Variants in RAP1A observed in about 807,000 individuals in gnomAD.
The protein encoded by RAP1A is RAP1A, member of RAS oncogene family.
In RAP1A, 6 loss-of-function variants were observed where a neutral mutation model predicts 26.4. The observed-to-expected ratio is 0.23, with a 90% CI of 0.12 to 0.45. The LOEUF is 0.45. RAP1A is among the 20% of genes least tolerant of loss of function. The pLI, the probability that RAP1A is intolerant of heterozygous loss-of-function variation, is 0.99. For synonymous variants in RAP1A, 73 were observed against 79.4 expected, an observed-to-expected ratio of 0.92 and a Z score of 0.43; for missense variants, 121 against 217.2, an observed-to-expected ratio of 0.56 and a Z score of 2.78.
At chr1:111,571,735 A>C (rs1187301016) in intron 1 of RAP1A, among the ~76,000 whole-genome samples, 1 of 152,200 alleles carries the variant, frequency 6.6e-6, no homozygotes, top group Non-Finnish European at 1.5e-5. Context: ...TAAAATCAGA[A>C]AGATTATGGG....
intron 1 of RAP1A, among the ~76,000 whole-genome samples, chr1:111,560,549 C>G (rs1191600849): frequency 6.6e-6 from 1 of 151,508 alleles, no homozygotes; most frequent in Non-Finnish European, 1.5e-5. Flanking sequence ...AGTGCAATGG[C>G]ACGATCATAG....
intron 1 of RAP1A, among the ~76,000 whole-genome samples, chr1:111,684,915 G>A (rs1661423010): frequency 6.6e-6 from 1 of 152,082 alleles, no homozygotes; most frequent in Non-Finnish European, 1.5e-5. Flanking sequence ...AAACAGCATG[G>A]TACTGGTACC....
chr1:111,590,829 C>T (rs991277068), intron 1 of RAP1A, among the ~76,000 whole-genome samples: 4 of 152,132 alleles, frequency 2.6e-5, no homozygotes, highest in Non-Finnish European at 4.4e-5. Context: ...AGAATTTTTA[C>T]TTCTGCATTT....
intron 1 of RAP1A, among the ~76,000 whole-genome samples, chr1:111,571,767 G>A (rs1658052978): frequency 6.6e-6 from 1 of 152,144 alleles, no homozygotes; most frequent in Admixed American, 6.5e-5. Flanking sequence ...TTTGGGACAG[G>A]TCATTCTGCT....
rs148635246 is a variant in RAP1A at position 111,704,476 on chromosome 1, A to G, written c.458A>G (p.Asn153Ser). Residue 153 changes from asparagine to serine, a missense_variant, in exon 6 of 8, where the codon AAT (asparagine) becomes AGT (serine). Coordinates refer to ENST00000369709, the MANE Select transcript of RAP1A (RefSeq NM_002884.4). ...GAATCTTCTGCAAAGTCAAAGATCA[A>G]TGTTAATGAGGTAACCTACAACTGC... ...FLESSAKSKI[N>S]VNEIFYDLVR... is the part of the protein sequence containing the mutation. The G allele has an allele frequency of 1.9e-5, 31 of 1,612,788 alleles. No homozygotes were observed. The African/African-American group carries it at 2.3e-4, about 12-fold the overall frequency.
chr1:111,643,679 C>T (rs1313691162), intron 1 of RAP1A, among the ~76,000 whole-genome samples: 2 of 152,130 alleles, frequency 1.3e-5, no homozygotes, highest in Non-Finnish European at 2.9e-5. Context: ...AAACTGAGTC[C>T]TTTATTTCAG....
chr1:111,624,842 T>G (rs1286671697), intron 1 of RAP1A, among the ~76,000 whole-genome samples: 1 of 152,154 alleles, frequency 6.6e-6, no homozygotes, highest in Admixed American at 6.5e-5. Context: ...TGAAATAAAC[T>G]CCAATCAGTA....
intron 1 of RAP1A, chr1:111,564,023 T>A (rs1269639047): frequency 8.8e-7 from 1 of 1,132,942 alleles, no homozygotes; most frequent in Non-Finnish European, 1.3e-6. Context: ...ATCCAACCCT[T>A]CTGCCATTAG....
At chr1:111,649,660 C>A (rs1660200769) in intron 1 of RAP1A, 1 of 161,968 alleles carries the variant, frequency 6.2e-6, no homozygotes, top group Non-Finnish European at 1.4e-5. Context: ...ATAATCAAAA[C>A]TTTATTACTG....
chr1:111,588,128 G>A (rs1658414408), intron 1 of RAP1A, among the ~76,000 whole-genome samples: 1 of 152,102 alleles, frequency 6.6e-6, no homozygotes, highest in South Asian at 2.1e-4. Flanking sequence ...TCCTGCCTCA[G>A]GTGTCAAGCC....
At chr1:111,599,160 A>T (rs1658618954) in intron 1 of RAP1A, among the ~76,000 whole-genome samples, 1 of 152,080 alleles carries the variant, frequency 6.6e-6, no homozygotes. Context: ...TGGAGGCTTC[A>T]TTACATAGGC....
chr1:111,667,847 G>T (rs1295109507), intron 1 of RAP1A, among the ~76,000 whole-genome samples: 2 of 152,126 alleles, frequency 1.3e-5, no homozygotes, highest in African/African-American at 4.8e-5. Context: ...GTAAGTGAAA[G>T]CTAGACTCAG....
At chr1:111,691,528 T>G in intron 2 of RAP1A, 111 bp downstream of exon 2, 1 of 894,644 alleles carries the variant, frequency 1.1e-6, no homozygotes, top group Non-Finnish European at 1.8e-6. Flanking sequence ...TTATTATATA[T>G]CTGATATCTG....
chr1:111,628,940 A>G (rs1371309053), intron 1 of RAP1A, among the ~76,000 whole-genome samples: 1 of 152,190 alleles, frequency 6.6e-6, no homozygotes, highest in South Asian at 2.1e-4. Context: ...ATATATATGT[A>G]CAATCTCCTG....
chr1:111,565,948 T>A (rs928510604), intron 1 of RAP1A, among the ~76,000 whole-genome samples: 4 of 152,096 alleles, frequency 2.6e-5, no homozygotes, highest in Non-Finnish European at 2.9e-5. Flanking sequence ...GCAGAGGGTC[T>A]ACATGTGCCA....
At chr1:111,543,774 A>G (rs957560697) in intron 1 of RAP1A, among the ~76,000 whole-genome samples, 1 of 151,624 alleles carries the variant, frequency 6.6e-6, no homozygotes, top group Non-Finnish European at 1.5e-5. Context: ...GACAGCTTCA[A>G]ACAAAAATAG....
intron 1 of RAP1A, among the ~76,000 whole-genome samples, chr1:111,569,520 G>T (rs953162345): frequency 6.6e-6 from 1 of 151,996 alleles, no homozygotes; most frequent in Non-Finnish European, 1.5e-5. Flanking sequence ...TGCTGTACTG[G>T]GTGCAAGGTC....
intron 1 of RAP1A, among the ~76,000 whole-genome samples, chr1:111,631,571 G>A (rs985597390): frequency 2.0e-5 from 3 of 152,142 alleles, no homozygotes; most frequent in Non-Finnish European, 4.4e-5. Context: ...AGAGAATCAC[G>A]TGGGTAGTAA....
At chr1:111,679,304 C>T (rs769068090) in intron 1 of RAP1A, among the ~76,000 whole-genome samples, 18 of 152,140 alleles carry the variant, frequency 1.2e-4, no homozygotes, top group Non-Finnish European at 2.5e-4. Flanking sequence ...AACTCCCTCC[C>T]CTAGCCAAGG....
Sources: gnomAD v4.1 joint callset for allele counts (sites outside exome capture counted in the v4.1 genomes callset) on GRCh38, gnomAD v4.1.1 for gene constraint, MANE v1.5 for transcripts, NCBI Gene and HGNC (gene_info 2026-07-23, HGNC 2026-07-21) for gene names.